FHIT: variants seen among roughly 807,000 people sequenced by gnomAD.
The protein encoded by FHIT is bis(5'-adenosyl)-triphosphatase.
A neutral mutation model predicts 17.9 loss-of-function variants in FHIT; 19 were observed. The observed-to-expected ratio is 1.06, with a 90% CI of 0.74 to 1.56. FHIT has a LOEUF of 1.56. Ranked by LOEUF, FHIT falls within the 40% of genes most tolerant of loss-of-function variation. The pLI is 0.00. For missense variants in FHIT, 248 were observed against 189.2 expected (o/e 1.31, Z -1.82); for synonymous variants, 81 against 69.7 (o/e 1.16, Z -0.81).
At position 59,898,442 on chromosome 3, in the gene FHIT, T is replaced by TTGTGTGTGTG. The variant is rs3075168; in HGVS notation, c.348+23894_348+23903dup. ...TGTATATATGTGTGCGTGTGTATGT[T>TTGTGTGTGTG]TGTGTGTGTGTGTGTGTGTGTGTGT... is the stretch of plus-strand genomic sequence containing the variant. On this transcript the variant is annotated intron_variant, in intron 8 of 9. Coordinates refer to ENST00000492590, the MANE Select transcript of FHIT (RefSeq NM_002012.4). Among the ~76,000 whole-genome samples, 416 of 145,942 alleles carry TTGTGTGTGTG rather than the reference T, an allele frequency of 2.9e-3. 3 individuals carry two copies. Among genetic ancestry groups the TTGTGTGTGTG allele is most frequent in the African/African-American group, 9.2e-3 (372 of 40,340 alleles).
chr3:60,712,772 TA>T (rs1362594706), intron 4 of FHIT, among the ~76,000 whole-genome samples: 1 of 143,578 alleles, frequency 7.0e-6, no homozygotes, highest in Non-Finnish European at 1.5e-5. Context: ...CCCAGATTCA[TA>T]AAGCAAGTCC....
chr3:60,412,258 C>T (rs1205224956), intron 5 of FHIT, among the ~76,000 whole-genome samples: 2 of 152,062 alleles, frequency 1.3e-5, no homozygotes, highest in African/African-American at 4.8e-5. Flanking sequence ...AGTATATTTT[C>T]ATTTCCTTAA....
chr3:59,807,613 T>C (rs755525762), intron 8 of FHIT, among the ~76,000 whole-genome samples: 2 of 152,142 alleles, frequency 1.3e-5, no homozygotes, highest in Non-Finnish European at 2.9e-5. Flanking sequence ...GTGCTGTCCA[T>C]ATTCCTCGGC....
intron 5 of FHIT, among the ~76,000 whole-genome samples, chr3:60,528,080 C>A (rs1207533337): frequency 2.0e-5 from 3 of 152,284 alleles, no homozygotes; most frequent in Admixed American, 2.0e-4. Context: ...CTAAAGCAAT[C>A]CTCCTACCTC....
intron 5 of FHIT, among the ~76,000 whole-genome samples, chr3:60,328,027 G>C (rs985202318): frequency 2.0e-5 from 3 of 152,150 alleles, no homozygotes; most frequent in African/African-American, 7.2e-5. Context: ...CAAATGTAAT[G>C]CTCACTCAAT....
chr3:60,324,573 G>GGAAAAAAAAAAAAAAAA lies in FHIT; in HGVS notation c.103+212286_103+212287insTTTTTTTTTTTTTTTTC, dbSNP rs757433390. Among the ~76,000 whole-genome samples the GGAAAAAAAAAAAAAAAA allele has an allele frequency of 2.1e-3, 265 of 128,840 alleles. 8 individuals carry two copies. The highest frequency in any genetic ancestry group is 7.6e-3 in the African/African-American group (256 of 33,810). 84.5% of individuals were successfully genotyped at this position (128,840 alleles called of 152,430 possible). A position where few individuals can be genotyped will look rare whatever the true frequency, so the allele number is the denominator to read the frequency against. ...TGGGTGACAGAGCGAGACTCCATCAGAAAAAAAAAAAAAAGAATTCCAGTT... is the reference window on the plus strand; with the variant it reads ...TGGGTGACAGAGCGAGACTCCATCAGGAAAAAAAAAAAAAAAAAAAAAAAAAAAAAAGAATTCCAGTT... On this transcript the variant is annotated intron_variant, in intron 5 of 9. Coordinates refer to ENST00000492590, the MANE Select transcript of FHIT (RefSeq NM_002012.4).
chr3:60,102,042 C>A (rs1347134654), intron 5 of FHIT, among the ~76,000 whole-genome samples: 5 of 152,282 alleles, frequency 3.3e-5, no homozygotes, highest in Middle Eastern at 3.4e-3. Flanking sequence ...TTAAATGTGG[C>A]AACAATCTGT....
chr3:60,975,402 T>C (rs1318748740), intron 3 of FHIT, among the ~76,000 whole-genome samples: 2 of 152,194 alleles, frequency 1.3e-5, no homozygotes, highest in Admixed American at 6.5e-5. Flanking sequence ...CCTCTGAAAA[T>C]ATGCCCAGTT....
intron 4 of FHIT, among the ~76,000 whole-genome samples, chr3:60,540,940 G>A (rs559990558): frequency 9.9e-5 from 15 of 152,230 alleles, no homozygotes; most frequent in African/African-American, 2.6e-4. Flanking sequence ...CATCACTTGG[G>A]AACTTATTAG....
intron 7 of FHIT, among the ~76,000 whole-genome samples, chr3:59,996,295 G>C (rs1215305767): frequency 6.6e-6 from 1 of 152,046 alleles, no homozygotes; most frequent in Non-Finnish European, 1.5e-5. Context: ...GAGTGAGAGA[G>C]ACATTTTGCA....
chr3:61,164,677 T>G (rs2037786376), intron 2 of FHIT, among the ~76,000 whole-genome samples: 1 of 152,164 alleles, frequency 6.6e-6, no homozygotes, highest in African/African-American at 2.4e-5. Context: ...AGGGGGTATA[T>G]AGGCAAGTTT....
chr3:60,379,225 T>C (rs887505693), intron 5 of FHIT, among the ~76,000 whole-genome samples: 1 of 152,106 alleles, frequency 6.6e-6, no homozygotes. Flanking sequence ...ATGAAATAGA[T>C]TTCATTCTAA....
chr3:60,333,963 T>A (rs1229689531), intron 5 of FHIT, among the ~76,000 whole-genome samples: 1 of 87,992 alleles, frequency 1.1e-5, no homozygotes, highest in Non-Finnish European at 2.2e-5. Flanking sequence ...TTCCTACACA[T>A]GGTTACATTT....
chr3:61,112,056 G>A (rs1021130071), intron 2 of FHIT, among the ~76,000 whole-genome samples: 1 of 152,162 alleles, frequency 6.6e-6, no homozygotes, highest in East Asian at 1.9e-4. Flanking sequence ...CAGACTCAGA[G>A]CAGTTAAGTA....
chr3:60,065,547 T>C (rs1468462407), intron 5 of FHIT, among the ~76,000 whole-genome samples: 1 of 152,144 alleles, frequency 6.6e-6, no homozygotes, highest in Non-Finnish European at 1.5e-5. Context: ...TGGAATGCTA[T>C]AACAGGAAAA....
intron 5 of FHIT, among the ~76,000 whole-genome samples, chr3:60,354,781 C>G (rs191529088): frequency 3.9e-5 from 6 of 152,194 alleles, no homozygotes; most frequent in African/African-American, 1.4e-4. Flanking sequence ...TAAATATAAA[C>G]CATTATCTTA....
Position 60,011,508 on chromosome 3 carries a change from AT to A in FHIT, c.250-109del. 3.2e-6 allele frequency: 3 copies of A among 950,160 alleles called. No individual in the cohort carries two copies. In the Middle Eastern group the frequency reaches 6.3e-4, roughly 200 times the overall value. 58.9% of individuals were successfully genotyped at this position (950,160 alleles called of 1,614,324 possible). On this transcript the variant is annotated intron_variant, in intron 6 of 9. Transcript: ENST00000492590. ...TTAGATGCAATTTCATTGTGTGTTAATTTATAGTATTCTCATGGGGACCATT... is the reference window on the plus strand; with the variant it reads ...TTAGATGCAATTTCATTGTGTGTTAATTATAGTATTCTCATGGGGACCATT...
chr3:60,739,837 T>C (rs782151172), intron 4 of FHIT, among the ~76,000 whole-genome samples: 4 of 152,146 alleles, frequency 2.6e-5, no homozygotes, highest in Non-Finnish European at 5.9e-5. Flanking sequence ...GATACCTTCA[T>C]TATCACTGGA....
chr3:60,230,546 C>A (rs1704444372), intron 5 of FHIT, among the ~76,000 whole-genome samples: 1 of 152,064 alleles, frequency 6.6e-6, no homozygotes, highest in African/African-American at 2.4e-5. Context: ...AGATAATGAA[C>A]ATGTAAGCTC....
Sources: gnomAD v4.1 joint callset for allele counts (sites outside exome capture counted in the v4.1 genomes callset) on GRCh38, gnomAD v4.1.1 for gene constraint, MANE v1.5 for transcripts, NCBI Gene and HGNC (gene_info 2026-07-23, HGNC 2026-07-21) for gene names.